Variants in GCNT4 observed in about 807,000 individuals in gnomAD.
GCNT4 encodes the protein beta-1,3-galactosyl-O-glycosyl-glycoprotein beta-1,6-N-acetylglucosaminyltransferase 4.
GCNT4 carries 17 observed loss-of-function variants against 31.3 expected under a neutral mutation model. The ratio of observed to expected loss-of-function variants is 0.54; its 90% CI spans 0.37 to 0.81. The LOEUF is 0.81. Ranked by LOEUF, GCNT4 falls within the 40% of genes least tolerant of loss-of-function variation. GCNT4 has a pLI of 0.00. For missense variants in GCNT4, 503 were observed against 525.5 expected, an observed-to-expected ratio of 0.96 and a Z score of 0.42; for synonymous variants, 158 against 190.6, an observed-to-expected ratio of 0.83 and a Z score of 1.41.
chr5:75,038,769 ACT>A (rs1743254016), intron 3 of GCNT4, among the ~76,000 whole-genome samples: 1 of 152,114 alleles, frequency 6.6e-6, no homozygotes, highest in South Asian at 2.1e-4. Flanking sequence ...ACTTCTTAAT[ACT>A]CTCACACTGG....
At position 75,028,451 on chromosome 5, in the gene GCNT4, ATTT is replaced by A; in HGVS notation, c.*222_*224del. 3 of 514,956 alleles carry A rather than the reference ATTT, an allele frequency of 5.8e-6. No homozygotes were observed. 31.9% of individuals were successfully genotyped at this position (514,956 alleles called of 1,614,324 possible). A position where few individuals can be genotyped will look rare whatever the true frequency, so the allele number is the denominator to read the frequency against. ...ACTGACTGAATGTTTAAGATCTCTGATTTGGCTCAGTGAGATTACAAGCAAAAA... is the reference window on the plus strand; with the variant it reads ...ACTGACTGAATGTTTAAGATCTCTGAGGCTCAGTGAGATTACAAGCAAAAA... On this transcript the variant is annotated 3_prime_UTR_variant, in exon 4 of 4. Coordinates refer to ENST00000652361, the MANE Select transcript of GCNT4 (RefSeq NM_001366737.1).
At chr5:75,043,722 G>A (rs1252212573) in intron 3 of GCNT4, among the ~76,000 whole-genome samples, 1 of 152,138 alleles carries the variant, frequency 6.6e-6, no homozygotes, top group Non-Finnish European at 1.5e-5. Flanking sequence ...CATGAGAAAA[G>A]TAAGCCCTTA....
chr5:75,031,212 C>A (rs1743054662), intron 3 of GCNT4, among the ~76,000 whole-genome samples: 1 of 151,936 alleles, frequency 6.6e-6, no homozygotes, highest in Non-Finnish European at 1.5e-5. Context: ...GTAGCTAGAA[C>A]CACAGGTGTG....
chr5:75,022,778 T>C (rs150781115), downstream of GCNT4, among the ~76,000 whole-genome samples: 289 of 152,308 alleles, frequency 1.9e-3, no homozygotes, highest in African/African-American at 6.6e-3. Context: ...AGACTGCAGG[T>C]AGGTAGTCTT....
Position 75,030,041 on chromosome 5 carries a change from G to GT in GCNT4, c.-1-4dup. On this transcript the variant is annotated splice_region_variant and splice_polypyrimidine_tract_variant and intron_variant, in intron 3 of 3. Transcript: ENST00000652361. ...AATAACATTTGAATATCTTCATTCT[G>GT]TAAGAGGAGAAAGAAATAATCCAGT... 6.3e-7 allele frequency: 1 copy of GT among 1,579,512 alleles called. No individual in the cohort carries two copies.
downstream of GCNT4, among the ~76,000 whole-genome samples, chr5:75,021,094 G>T (rs897975574): frequency 6.6e-6 from 1 of 152,186 alleles, no homozygotes; most frequent in Non-Finnish European, 1.5e-5. Flanking sequence ...CTGTGTAAAT[G>T]AACCTAAGGG....
chr5:75,018,885 A>G, the GCNT4 span, among the ~76,000 whole-genome samples: 3 of 152,150 alleles, frequency 2.0e-5, no homozygotes, highest in Non-Finnish European at 4.4e-5. Context: ...GAGAAGCACC[A>G]CAGGGAGGGC....
chr5:75,046,465 C>A (rs1252836065), intron 3 of GCNT4, among the ~76,000 whole-genome samples: 2 of 152,162 alleles, frequency 1.3e-5, no homozygotes, highest in African/African-American at 4.8e-5. Flanking sequence ...CGAACTGTCC[C>A]CCCTCTGCTT....
At position 75,029,776 on chromosome 5, in the gene GCNT4, G is replaced by T; in HGVS notation, c.262C>A (p.Leu88Met). ...EQEPLEIGKS[L>M]EIRRRDIIDL... ...ATGATGTCCCTTCTTCTTATTTCCA[G>T]ACTCTTTCCAATTTCCAAAGGCTCC... Residue 88 changes from leucine (L) to methionine (M), a missense_variant, in exon 4 of 4, where the codon CTG becomes ATG. Leu to Met is a conservative substitution (Grantham distance 15, BLOSUM62 2). Transcript: ENST00000652361. 1 of 1,614,062 alleles carries T rather than the reference G, an allele frequency of 6.2e-7. No individual in the cohort carries two copies.
chr5:75,031,272 G>A (rs1743056176), intron 3 of GCNT4, among the ~76,000 whole-genome samples: 3 of 152,088 alleles, frequency 2.0e-5, no homozygotes, highest in Admixed American at 2.0e-4. Context: ...GAGTCTCACT[G>A]TGCTGCCCAG....
chr5:75,029,101 TAACA>T lies in GCNT4; in HGVS notation c.933_936del (p.Phe311LeufsTer31), dbSNP rs1258570756. 1 of 1,614,108 alleles carries T rather than the reference TAACA, an allele frequency of 6.2e-7. No homozygotes were observed. ...ACGATGGAGTTGTTGAAAATATATT[TAACA>T]AATGCTTGACTTAAAACAAAATAAG... On this transcript the variant is annotated frameshift_variant, in exon 4 of 4. Coordinates refer to ENST00000652361, the MANE Select transcript of GCNT4 (RefSeq NM_001366737.1). LOFTEE classifies it high-confidence loss of function.
intron 1 of GCNT4, 88 bp from the exon 2 acceptor site, chr5:75,052,315 G>T (rs1029582662): frequency 2.6e-5 from 4 of 151,180 alleles, no homozygotes; most frequent in Non-Finnish European, 4.4e-5. Context: ...TCGCCTCTCT[G>T]CCTGCCCAAC....
intron 2 of GCNT4, among the ~76,000 whole-genome samples, chr5:75,050,921 T>G (rs1380750091): frequency 6.6e-6 from 1 of 152,122 alleles, no homozygotes; most frequent in African/African-American, 2.4e-5. Context: ...AGCTGGAGTT[T>G]TGTTTTGCTT....
At chr5:75,033,083 G>A (rs764491855) in intron 3 of GCNT4, among the ~76,000 whole-genome samples, 1 of 152,084 alleles carries the variant, frequency 6.6e-6, no homozygotes, top group Admixed American at 6.5e-5. Context: ...ACACCACAGT[G>A]GTAAAAAGAA....
At position 75,029,997 on chromosome 5, in the gene GCNT4, T is replaced by C. The variant is rs766929935; in HGVS notation, c.41A>G (p.Gln14Arg). Residue 14 changes from glutamine (Q) to arginine (R), a missense_variant, in exon 4 of 4, where the codon CAG (glutamine) becomes CGG (arginine). Physicochemically the swap from Gln to Arg is conservative, Grantham distance 43 (BLOSUM62 1). Coordinates refer to ENST00000652361, the MANE Select transcript of GCNT4 (RefSeq NM_001366737.1). ...FKCYFKHTLQ[Q>R]KVFILFLTLW... The stretch of plus-strand genomic sequence containing the variant: ...GGTTAAAAACAGGATGAAAACTTTC[T>C]GCTGTAGGGTATGTTTAAAATAACA... 6.2e-7 allele frequency: 1 copy of C among 1,609,008 alleles called. No homozygotes were observed. Among genetic ancestry groups the C allele is most frequent in the East Asian group, 2.2e-5 (1 of 44,848 alleles).
chr5:75,046,492 C>T (rs1479446197), intron 3 of GCNT4, among the ~76,000 whole-genome samples: 1 of 152,198 alleles, frequency 6.6e-6, no homozygotes, highest in African/African-American at 2.4e-5. Context: ...GAAGGAGCTG[C>T]TCTCTCGTGG....
chr5:75,034,269 T>A (rs540467612), intron 3 of GCNT4, among the ~76,000 whole-genome samples: 4 of 152,296 alleles, frequency 2.6e-5, no homozygotes, highest in Admixed American at 6.5e-5. Context: ...CATAACACCC[T>A]TGGGACCCTC....
At chr5:75,039,658 A>G (rs1181799573) in intron 3 of GCNT4, among the ~76,000 whole-genome samples, 1 of 152,192 alleles carries the variant, frequency 6.6e-6, no homozygotes, top group African/African-American at 2.4e-5. Flanking sequence ...TGGCAGTAGT[A>G]GAGCCTGTTC....
Position 75,029,173 on chromosome 5 carries a change from T to C in GCNT4, c.865A>G (p.Lys289Glu). ...TGAATGTTATGGGGGGGTGCTTCCT[T>C]GGAGATGTTTGTCCTTATTGGTAGC... The part of the protein sequence containing the change: ...VKLPIRTNIS[K>E]EAPPHNIQIF... Residue 289 changes from lysine (K) to glutamate (E), a missense_variant, in exon 4 of 4, where the codon AAG becomes GAG. Lys to Glu is a moderately conservative substitution (Grantham distance 56, BLOSUM62 1). Coordinates refer to ENST00000652361, the MANE Select transcript of GCNT4 (RefSeq NM_001366737.1). 1.2e-6 allele frequency: 2 copies of C among 1,613,966 alleles called. No individual in the cohort carries two copies. The highest frequency in any genetic ancestry group is 8.5e-7 in the Non-Finnish European group (1 of 1,180,020).
Sources: gnomAD v4.1 joint callset for allele counts (sites outside exome capture counted in the v4.1 genomes callset) on GRCh38, gnomAD v4.1.1 for gene constraint, MANE v1.5 for transcripts, NCBI Gene and HGNC (gene_info 2026-07-23, HGNC 2026-07-21) for gene names.